Variants in AHNAK observed in about 807,000 individuals in gnomAD.
The protein encoded by AHNAK is neuroblast differentiation-associated protein AHNAK.
A neutral mutation model predicts 37.8 loss-of-function variants in AHNAK; 23 were observed. That is an observed-to-expected ratio of 0.61 (90% CI 0.44 to 0.86). The LOEUF is 0.86. Among genes scored for constraint, AHNAK ranks in the 40% least tolerant of loss-of-function variants. The pLI is 0.00. For missense variants in AHNAK, 7,411 were observed against 7,319.4 expected (o/e 1.01, Z -0.46); for synonymous variants, 2,481 against 2,636.3 (o/e 0.94, Z 1.80).
At chr11:62,441,916 C>A (rs1485156063) in intron 5 of AHNAK, among the ~76,000 whole-genome samples, 3 of 152,122 alleles carry the variant, frequency 2.0e-5, no homozygotes, top group African/African-American at 7.2e-5. Flanking sequence ...TAATATGGGG[C>A]CAGCAAGCCC....
intron 4 of AHNAK, 100 bp from the exon 5 acceptor site, chr11:62,534,174 A>G: frequency 1.5e-6 from 2 of 1,306,694 alleles, no homozygotes; most frequent in Non-Finnish European, 2.0e-6. Flanking sequence ...TGTTTCCCAG[A>G]GAAGCTGGGA....
Position 62,521,161 on chromosome 11 carries a change from A to G in AHNAK, c.13256T>C (p.Ile4419Thr). The stretch of plus-strand genomic sequence containing the variant: ...GTCCAAACTGGGGCCTTTTATGTCA[A>G]TTTCAGGGCCCTTGAGATCACCTTC... ...KVEGDLKGPEIDIKGPSLDID... is the reference protein window; with the variant it reads ...KVEGDLKGPETDIKGPSLDID... The change falls in exon 5 of 5, where the codon ATT becomes ACT. Residue 4419 changes from isoleucine to threonine, a missense_variant. Transcript: ENST00000378024. 6.2e-7 allele frequency: 1 copy of G among 1,613,876 alleles called. No individual in the cohort carries two copies. Among genetic ancestry groups the G allele is most frequent in the Non-Finnish European group, 8.5e-7 (1 of 1,179,976 alleles).
chr11:62,463,489 C>CCAGCCTT (rs759905334), intron 5 of AHNAK, among the ~76,000 whole-genome samples: 1 of 151,430 alleles, frequency 6.6e-6, no homozygotes, highest in South Asian at 2.1e-4. Flanking sequence ...CCTCCAGCCT[C>CCAGCCTT]CCTCCCGTCT....
At chr11:62,544,580 AC>A (rs1215904672) in intron 1 of AHNAK, among the ~76,000 whole-genome samples, 1 of 147,692 alleles carries the variant, frequency 6.8e-6, no homozygotes, top group African/African-American at 2.5e-5. Context: ...ACCCTCCCTC[AC>A]CCCAAAGCTC....
At chr11:62,513,872 C>A (rs1396070922), downstream of AHNAK, among the ~76,000 whole-genome samples, 1 of 152,218 alleles carries the variant, frequency 6.6e-6, no homozygotes, top group African/African-American at 2.4e-5. Flanking sequence ...TCACTGGCCT[C>A]GCCATCCCTG....
chr11:62,487,799 C>T (rs4124), intron 5 of AHNAK, among the ~76,000 whole-genome samples: 22,044 of 152,154 alleles, frequency 0.14, 3,924 homozygotes, highest in African/African-American at 0.42. Context: ...TTAAAAGAAA[C>T]AGCAGTACCC....
chr11:62,477,758 C>T (rs990071114), intron 5 of AHNAK, among the ~76,000 whole-genome samples: 2 of 151,496 alleles, frequency 1.3e-5, no homozygotes, highest in African/African-American at 2.4e-5. Flanking sequence ...GCTGAGACCG[C>T]GCCACTGCAC....
At chr11:62,542,444 C>A (rs569817174) in intron 1 of AHNAK, among the ~76,000 whole-genome samples, 4 of 147,606 alleles carry the variant, frequency 2.7e-5, no homozygotes, top group African/African-American at 4.9e-5. Context: ...CCCTCCCCAT[C>A]ACCCCCTTCC....
At chr11:62,501,241 T>C (rs1939707144) in intron 4 of AHNAK, among the ~76,000 whole-genome samples, 1 of 152,088 alleles carries the variant, frequency 6.6e-6, no homozygotes, top group Admixed American at 6.6e-5. Context: ...TCAAAGGGAT[T>C]TCCAGTCTCA....
intron 4 of AHNAK, among the ~76,000 whole-genome samples, chr11:62,505,570 A>G (rs1015345923): frequency 1.3e-5 from 2 of 152,046 alleles, no homozygotes; most frequent in Non-Finnish European, 2.9e-5. Flanking sequence ...GAGCGGGGCT[A>G]AAGTCCCCTC....
intron 5 of AHNAK, among the ~76,000 whole-genome samples, chr11:62,476,512 CGA>C (rs1565207153): frequency 6.6e-6 from 1 of 152,130 alleles, no homozygotes; most frequent in Non-Finnish European, 1.5e-5. Flanking sequence ...TAAACCTACA[CGA>C]GAAGTTCCCG....
chr11:62,468,360 A>G (rs1196713787), intron 5 of AHNAK, among the ~76,000 whole-genome samples: 13 of 2,608 alleles, frequency 5.0e-3, no homozygotes, highest in African/African-American at 8.0e-3. Context: ...AAAAAAAAGA[A>G]AAAAAAAAAA....
intron 1 of AHNAK, among the ~76,000 whole-genome samples, chr11:62,539,405 A>G (rs1941053814): frequency 6.6e-6 from 1 of 152,240 alleles, no homozygotes; most frequent in African/African-American, 2.4e-5. Context: ...GGAAAGAGCT[A>G]GCTGGGCCAG....
In AHNAK at chr11:62,532,622, T is replaced by C. The variant is rs1246526383; in HGVS notation, c.1795A>G (p.Lys599Glu). ...VTLPRVEGKV[K>E]VPEVDVRGPK... ...CCTCTGACATCAACTTCAGGGACTT[T>C]GACTTTCCCTTCTACTCTGGGGAGT... The change falls in exon 5 of 5, where the codon AAA becomes GAA. Residue 599 changes from lysine (K) to glutamate (E), a missense_variant. Coordinates refer to ENST00000378024, the MANE Select transcript of AHNAK (RefSeq NM_001620.3). 2.5e-6 allele frequency: 4 copies of C among 1,614,034 alleles called. No homozygotes were observed. In the South Asian group the frequency reaches 4.4e-5, roughly 18 times the overall value.
Position 62,521,144 on chromosome 11 carries a change from T to C in AHNAK, c.13273A>G (p.Ser4425Gly). The C allele has an allele frequency of 6.2e-7, 1 of 1,613,890 alleles. No individual in the cohort carries two copies. The highest frequency in any genetic ancestry group is 1.1e-5 in the South Asian group (1 of 91,020). The change falls in exon 5 of 5, where the codon AGT (serine) becomes GGT (glycine). Residue 4425 changes from serine to glycine, a missense_variant. By Grantham distance (56) the Ser-to-Gly change is moderately conservative (BLOSUM62 0). Coordinates refer to ENST00000378024, the MANE Select transcript of AHNAK (RefSeq NM_001620.3). ...KGPEIDIKGP[S>G]LDIDTPDVNI... ...ACATCAGGTGTGTCAATGTCCAAAC[T>C]GGGGCCTTTTATGTCAATTTCAGGG...
chr11:62,518,642 G>A lies in AHNAK; in HGVS notation c.15775C>T (p.Leu5259=). The change falls in exon 5 of 5, where the codon CTA becomes TTA. Residue 5259 remains leucine, a synonymous_variant. Transcript: ENST00000378024. ...CTCAAGTCTCCTTCAAGAGAGGGTA[G>A]CTGGGCATGGACCTCGGCTCCCCCA... ...EGGGAEVHAQ[L]PSLEGDLRGP... 6.2e-7 allele frequency: 1 copy of A among 1,614,198 alleles called. No homozygotes were observed. Among genetic ancestry groups the A allele is most frequent in the Non-Finnish European group, 8.5e-7 (1 of 1,180,052 alleles).
In AHNAK at chr11:62,528,679, G is replaced by C. The variant is rs1565239423; in HGVS notation, c.5738C>G (p.Pro1913Arg). ...AKLKGPKFKM[P>R]DMHFKAPKIS... ...CTTGGGGGCCTTGAAGTGCATGTCT[G>C]GCATCTTAAATTTAGGGCCTTTCAA... Residue 1913 changes from proline to arginine, a missense_variant, in exon 5 of 5, where the codon CCA becomes CGA. Physicochemically the swap from Pro to Arg is moderately radical, Grantham distance 103. Transcript: ENST00000378024. 6.2e-7 allele frequency: 1 copy of C among 1,610,748 alleles called. No individual in the cohort carries two copies. The highest frequency in any genetic ancestry group is 8.5e-7 in the Non-Finnish European group (1 of 1,179,474).
intron 4 of AHNAK, among the ~76,000 whole-genome samples, chr11:62,506,036 A>AAAAAAAG (rs1939806125): frequency 1.3e-5 from 1 of 76,738 alleles, no homozygotes; most frequent in African/African-American, 4.6e-5. Context: ...AAAAAAAAAA[A>AAAAAAAG]GGCGGGGGTG....
chr11:62,471,168 C>G (rs1448780311), intron 5 of AHNAK, among the ~76,000 whole-genome samples: 1 of 152,180 alleles, frequency 6.6e-6, no homozygotes, highest in Non-Finnish European at 1.5e-5. Context: ...CCAAGCTACC[C>G]TGGAGCAGAG....
Sources: allele counts gnomAD v4.1 joint callset (sites outside exome capture counted in the v4.1 genomes callset), GRCh38; gene constraint gnomAD v4.1.1; transcripts MANE v1.5; gene names NCBI Gene and HGNC (gene_info 2026-07-23, HGNC 2026-07-21).